The following COL28A1 variants were observed in gnomAD, a reference collection of about 807,000 sequenced individuals.
COL28A1 encodes the protein collagen type XXVIII alpha 1 chain, also known as collagen alpha-1(XXVIII) chain.
Under a neutral mutation model 150.2 loss-of-function variants are expected in COL28A1, and 161 were observed. That is an observed-to-expected ratio of 1.07 (90% CI 0.94 to 1.22). The LOEUF is 1.22. Ranked by LOEUF, COL28A1 falls within the 50% of genes most tolerant of loss-of-function variation. COL28A1 has a pLI of 0.00. For missense variants in COL28A1, 1,617 were observed against 1,388.3 expected, an observed-to-expected ratio of 1.16 and a Z score of -2.62; for synonymous variants, 552 against 469.7, an observed-to-expected ratio of 1.18 and a Z score of -2.26.
intron 30 of COL28A1, among the ~76,000 whole-genome samples, chr7:7,379,836 G>A (rs549987966): frequency 2.0e-5 from 3 of 152,082 alleles, no homozygotes; most frequent in South Asian, 2.1e-4. Flanking sequence ...GGCATCTTTC[G>A]GGGTCTGACT....
the COL28A1 span, among the ~76,000 whole-genome samples, chr7:7,340,723 C>T: frequency 9.2e-5 from 14 of 151,946 alleles, no homozygotes; most frequent in South Asian, 2.1e-4. Context: ...GCATTACTGC[C>T]GGGGTACTTT....
In COL28A1 at chr7:7,373,254, G is replaced by T. The variant is rs1394939193; in HGVS notation, c.2652C>A (p.Ala884=). The T allele has an allele frequency of 1.9e-6, 3 of 1,614,110 alleles. No homozygotes were observed. The highest frequency in any genetic ancestry group is 2.5e-6 in the Non-Finnish European group (3 of 1,180,028). ...GCCTTGCATCTTCAAACATGTCGTTGGCTGCTTGCAGAGCAGTGGCTGTGT... is the reference window on the plus strand; with the variant it reads ...GCCTTGCATCTTCAAACATGTCGTTTGCTGCTTGCAGAGCAGTGGCTGTGT... ...GTYTATALQA[A]NDMFEDARPG... The change falls in exon 32 of 35, where the codon GCC becomes GCA. Residue 884 remains alanine (A), a synonymous_variant. Coordinates refer to ENST00000399429, the MANE Select transcript of COL28A1 (RefSeq NM_001037763.3). This position sits in a 1 kb window ranked among gnomAD's most constrained non-coding sequence, Gnocchi z 4.1.
the COL28A1 span, among the ~76,000 whole-genome samples, chr7:7,338,589 T>C: frequency 6.6e-6 from 1 of 152,132 alleles, no homozygotes; most frequent in Non-Finnish European, 1.5e-5. Flanking sequence ...TAAGAGCCTT[T>C]TGGTGGAGTC....
intron 27 of COL28A1, among the ~76,000 whole-genome samples, chr7:7,383,140 C>T (rs1414829592): frequency 6.6e-6 from 1 of 152,054 alleles, no homozygotes; most frequent in African/African-American, 2.4e-5. Flanking sequence ...GTACTCATCC[C>T]CAATCCTATT....
intron 27 of COL28A1, among the ~76,000 whole-genome samples, chr7:7,384,666 C>T (rs762198357): frequency 3.9e-5 from 6 of 152,046 alleles, no homozygotes; most frequent in Admixed American, 1.3e-4. Flanking sequence ...TTCAAGCATC[C>T]ACTGGGAATA....
At chr7:7,362,537 A>G (rs1374737360) in intron 33 of COL28A1, among the ~76,000 whole-genome samples, 2 of 152,150 alleles carry the variant, frequency 1.3e-5, no homozygotes, top group Non-Finnish European at 2.9e-5. Context: ...AAGAGGGAAA[A>G]AGTAATTAGT....
Position 7,358,602 on chromosome 7 carries a change from G to A in COL28A1, c.*31C>T. The A allele has an allele frequency of 6.2e-7, 1 of 1,604,912 alleles. No homozygotes were observed. Among genetic ancestry groups the A allele is most frequent in the Non-Finnish European group, 8.5e-7 (1 of 1,172,848 alleles). ...ATATGTGGAAATTAGGGAGTTCTAT[G>A]CTTTTGATAGAGACAGGCCAATTTA... is the stretch of plus-strand genomic sequence containing the variant. On this transcript the variant is annotated 3_prime_UTR_variant, in exon 35 of 35. Coordinates refer to ENST00000399429, the MANE Select transcript of COL28A1 (RefSeq NM_001037763.3).
At chr7:7,511,221 C>T (rs1781117224) in intron 8 of COL28A1, 86 bp from the exon 9 acceptor site, 3 of 1,074,080 alleles carry the variant, frequency 2.8e-6, no homozygotes, top group Non-Finnish European at 4.2e-6. Context: ...TTTTAAATTC[C>T]CAGCAGACTC....
chr7:7,505,963 C>A, intron 11 of COL28A1, 51 bp downstream of exon 11: 2 of 877,372 alleles, frequency 2.3e-6, no homozygotes, highest in South Asian at 1.3e-5. Flanking sequence ...ATTACTATAG[C>A]GCACTAGGGG....
intron 33 of COL28A1, among the ~76,000 whole-genome samples, chr7:7,370,061 A>T (rs1474095947): frequency 6.6e-6 from 1 of 152,164 alleles, no homozygotes; most frequent in Non-Finnish European, 1.5e-5. Flanking sequence ...TTTGCCCATA[A>T]TCTGATTGGC....
At chr7:7,525,061 G>C (rs980642207) in intron 3 of COL28A1, among the ~76,000 whole-genome samples, 2 of 152,110 alleles carry the variant, frequency 1.3e-5, no homozygotes, top group Non-Finnish European at 2.9e-5. Flanking sequence ...AAAACTAAGT[G>C]ATAGAAAAGT....
intron 22 of COL28A1, among the ~76,000 whole-genome samples, chr7:7,437,052 A>T (rs1054523574): frequency 3.9e-5 from 6 of 152,186 alleles, no homozygotes; most frequent in Non-Finnish European, 5.9e-5. Context: ...TAAACCAGTC[A>T]ACCAACCTGA....
intron 6 of COL28A1, among the ~76,000 whole-genome samples, chr7:7,519,704 C>A (rs1380920685): frequency 1.3e-5 from 2 of 151,946 alleles, no homozygotes; most frequent in African/African-American, 4.8e-5. Flanking sequence ...AAAAGTATAC[C>A]CATTAAAAAC....
In COL28A1 at chr7:7,524,220, G is replaced by T; in HGVS notation, c.702+9C>A. 7.9e-7 allele frequency: 1 copy of T among 1,266,184 alleles called. No homozygotes were observed. The highest frequency in any genetic ancestry group is 1.2e-6 in the Non-Finnish European group (1 of 862,732). 78.4% of individuals were successfully genotyped at this position (1,266,184 alleles called of 1,614,324 possible). ...GTAATTCGTAGTAATCAAAGCATGTGGTGCTTACCTTCTTTTCAAATAAGA... is the reference window on the plus strand; with the variant it reads ...GTAATTCGTAGTAATCAAAGCATGTTGTGCTTACCTTCTTTTCAAATAAGA... On this transcript the variant is annotated intron_variant, in intron 4 of 34. Coordinates refer to ENST00000399429, the MANE Select transcript of COL28A1 (RefSeq NM_001037763.3).
the COL28A1 span, among the ~76,000 whole-genome samples, chr7:7,350,361 G>C: frequency 6.6e-6 from 1 of 152,142 alleles, no homozygotes; most frequent in African/African-American, 2.4e-5. Flanking sequence ...CTGGTGTACA[G>C]TGGAGGTGGA....
intron 23 of COL28A1, among the ~76,000 whole-genome samples, chr7:7,433,637 T>TAA (rs35394135): frequency 6.7e-4 from 88 of 132,128 alleles, no homozygotes; most frequent in African/African-American, 1.3e-3. Flanking sequence ...CTGTCTCATT[T>TAA]AAAAAAAAAA....
intron 25 of COL28A1, among the ~76,000 whole-genome samples, chr7:7,430,512 T>G (rs1177460271): frequency 6.6e-6 from 1 of 152,206 alleles, no homozygotes; most frequent in East Asian, 1.9e-4. Context: ...ATCGTATAAT[T>G]TAATATAACA....
chr7:7,353,891 T>C (rs1377845295), downstream of COL28A1, among the ~76,000 whole-genome samples: 1 of 152,188 alleles, frequency 6.6e-6, no homozygotes, highest in Non-Finnish European at 1.5e-5. Flanking sequence ...TATGTTTTAA[T>C]GCACTGTGGG....
At chr7:7,537,700 T>A (rs1436123326), upstream of COL28A1, among the ~76,000 whole-genome samples, 1 of 152,164 alleles carries the variant, frequency 6.6e-6, no homozygotes, top group Non-Finnish European at 1.5e-5. Flanking sequence ...TTCGAGGAAC[T>A]GAGGAAGTTT....
Sources: gnomAD v4.1 joint callset for allele counts (sites outside exome capture counted in the v4.1 genomes callset) on GRCh38, gnomAD v4.1.1 for gene constraint, Gnocchi (gnomAD v3.1) non-coding constraint, MANE v1.5 for transcripts, NCBI Gene and HGNC (gene_info 2026-07-23, HGNC 2026-07-21) for gene names.